MYO16: variants seen among roughly 807,000 people sequenced by gnomAD.
The protein encoded by MYO16 is myosin XVI.
Under a neutral mutation model 205.3 loss-of-function variants are expected in MYO16, and 94 were observed. The observed-to-expected ratio is 0.46, with a 90% confidence interval of 0.39 to 0.54. The LOEUF (loss-of-function observed/expected upper bound fraction) is 0.54, where lower values mean the gene tolerates loss of function less well. Ranked by LOEUF, MYO16 falls within the 20% of genes least tolerant of loss-of-function variation. The probability of loss-of-function intolerance (pLI) is 0.00; values close to 1 mark genes in which losing one functional copy is unlikely to be tolerated. For missense variants in MYO16, 2,315 were observed against 2,387.5 expected, an observed-to-expected ratio of 0.97 and a Z score of 0.63; for synonymous variants, 988 against 954.0, an observed-to-expected ratio of 1.04 and a Z score of -0.66.
chr13:108,586,446 G>A, the MYO16 span, among the ~76,000 whole-genome samples: 1 of 151,994 alleles, frequency 6.6e-6, no homozygotes. Flanking sequence ...GGTCCATTTG[G>A]TAGGCTGAGG....
At chr13:108,780,510 C>T (rs1327252653) in intron 4 of MYO16, among the ~76,000 whole-genome samples, 1 of 151,964 alleles carries the variant, frequency 6.6e-6, no homozygotes, top group East Asian at 1.9e-4. Flanking sequence ...AGGAGTCTCT[C>T]ACAAATATCT....
At chr13:109,093,278 A>T (rs565157062) in intron 27 of MYO16, among the ~76,000 whole-genome samples, 28 of 152,328 alleles carry the variant, frequency 1.8e-4, no homozygotes, top group African/African-American at 6.5e-4. Flanking sequence ...AGCGTCTAAC[A>T]TAACACAGCT....
At chr13:109,086,717 C>A (rs147131647) in intron 27 of MYO16, among the ~76,000 whole-genome samples, 1 of 152,324 alleles carries the variant, frequency 6.6e-6, no homozygotes, top group East Asian at 1.9e-4. Context: ...TATTTTCCCT[C>A]AGAATATGTG....
chr13:108,495,888 G>T, the MYO16 span, among the ~76,000 whole-genome samples: 1 of 151,918 alleles, frequency 6.6e-6, no homozygotes, highest in Non-Finnish European at 1.5e-5. Flanking sequence ...TCGCCGCGTC[G>T]CCTGGCGCCC....
intron 5 of MYO16, among the ~76,000 whole-genome samples, chr13:108,791,854 A>C (rs1348134884): frequency 6.6e-6 from 1 of 152,230 alleles, no homozygotes; most frequent in East Asian, 1.9e-4. Flanking sequence ...AGGAAACTAC[A>C]GACAGTCATG....
intron 27 of MYO16, among the ~76,000 whole-genome samples, chr13:109,090,320 C>T (rs975604823): frequency 1.3e-5 from 2 of 152,198 alleles, no homozygotes; most frequent in Non-Finnish European, 2.9e-5. Context: ...CAAAAGCCAT[C>T]GCAAGATATA....
intron 27 of MYO16, among the ~76,000 whole-genome samples, chr13:109,091,758 T>C (rs1042270664): frequency 1.3e-5 from 2 of 152,194 alleles, no homozygotes; most frequent in Admixed American, 1.3e-4. Flanking sequence ...GATATTCCAT[T>C]TTTCTCCTTT....
intron 28 of MYO16, 133 bp from the exon 29 acceptor site, chr13:109,120,235 CAG>C (rs948224495): frequency 3.2e-6 from 2 of 617,590 alleles, no homozygotes; most frequent in African/African-American, 3.7e-5. Context: ...GTTTAAGAAT[CAG>C]AGACATGTAC....
At chr13:108,635,701 T>G (rs943365249) in intron 1 of MYO16, among the ~76,000 whole-genome samples, 1 of 152,078 alleles carries the variant, frequency 6.6e-6, no homozygotes, top group African/African-American at 2.4e-5. Flanking sequence ...GTTTTCACCA[T>G]GTTGGTCAGG....
rs1483448888 is a variant in MYO16 at position 108,608,742 on chromosome 13, A to C, written c.-39+12503A>C. Among the ~76,000 whole-genome samples the C allele has an allele frequency of 2.0e-5, 3 of 152,000 alleles. No individual in the cohort carries two copies. The East Asian group carries it at 5.8e-4, about 29-fold the overall frequency. ...ACTGCAACCTCCGCCTCCAGGGTTA[A>C]AGTGATTCTCCTGCCTTGGCCTCCC... On this transcript the variant is annotated intron_variant, in intron 1 of 24. Coordinates refer to the MYO16 transcript ENST00000251041.
chr13:109,069,487 T>TA (rs1724568368), intron 27 of MYO16, among the ~76,000 whole-genome samples: 1 of 152,058 alleles, frequency 6.6e-6, no homozygotes, highest in Non-Finnish European at 1.5e-5. Context: ...CTAGATGGCT[T>TA]AAAAAACATT....
intron 7 of MYO16, among the ~76,000 whole-genome samples, chr13:108,814,970 G>T (rs917996313): frequency 6.6e-6 from 1 of 152,102 alleles, no homozygotes; most frequent in Non-Finnish European, 1.5e-5. Flanking sequence ...GGTTAGGAAA[G>T]GAGAAAGGAT....
chr13:108,758,707 C>A (rs1277532344), intron 4 of MYO16, among the ~76,000 whole-genome samples: 2 of 152,162 alleles, frequency 1.3e-5, no homozygotes, highest in African/African-American at 4.8e-5. Context: ...AGCTGAGTGG[C>A]ATGTTTGTTA....
chr13:108,808,341 CTTT>C, intron 7 of MYO16, among the ~76,000 whole-genome samples: 1 of 147,938 alleles, frequency 6.8e-6, no homozygotes, highest in Non-Finnish European at 1.5e-5. Flanking sequence ...ATAGAACCTT[CTTT>C]TTTTTTGCCC....
At chr13:108,781,463 T>C (rs567708066) in intron 4 of MYO16, among the ~76,000 whole-genome samples, 32 of 152,310 alleles carry the variant, frequency 2.1e-4, no homozygotes, top group Admixed American at 1.9e-3. Flanking sequence ...TACAGTTTGC[T>C]CTGTCTCAGC....
intron 27 of MYO16, among the ~76,000 whole-genome samples, chr13:109,098,482 A>T (rs577836919): frequency 1.3e-5 from 2 of 152,284 alleles, no homozygotes; most frequent in South Asian, 4.1e-4. Flanking sequence ...AATATGGTGG[A>T]TGAGGCAAAA....
chr13:108,760,115 C>G (rs1017632450), intron 4 of MYO16, among the ~76,000 whole-genome samples: 4 of 152,220 alleles, frequency 2.6e-5, no homozygotes, highest in Non-Finnish European at 5.9e-5. Flanking sequence ...TAAAGCATTG[C>G]TAACTATAAT....
At chr13:108,754,867 T>C (rs1371607087) in intron 4 of MYO16, among the ~76,000 whole-genome samples, 1 of 151,940 alleles carries the variant, frequency 6.6e-6, no homozygotes, top group East Asian at 1.9e-4. Flanking sequence ...GCAATTTTAG[T>C]GAAGAATAAA....
chr13:108,992,553 T>A (rs953143578), intron 21 of MYO16, 105 bp downstream of exon 21: 3 of 635,630 alleles, frequency 4.7e-6, no homozygotes, highest in Non-Finnish European at 7.9e-6. Context: ...AATATGGAAT[T>A]AAAATAAGTA....
Sources: allele counts gnomAD v4.1 joint callset (sites outside exome capture counted in the v4.1 genomes callset), GRCh38; gene constraint gnomAD v4.1.1; transcripts MANE v1.5; gene names NCBI Gene and HGNC (gene_info 2026-07-23, HGNC 2026-07-21).